The following LSM4 variants were observed in gnomAD, a reference collection of about 807,000 sequenced individuals.
LSM4 encodes LSM4 homolog, U6 small nuclear RNA and mRNA degradation associated.
Under a neutral mutation model 22.3 loss-of-function variants are expected in LSM4, and 15 were observed. The observed-to-expected ratio is 0.67, with a 90% CI of 0.45 to 1.03. The LOEUF (loss-of-function observed/expected upper bound fraction) is 1.03. Among genes scored for constraint, LSM4 ranks in the 50% least tolerant of loss-of-function variants. The pLI, the probability that LSM4 is intolerant of heterozygous loss-of-function variation, is 0.00. For synonymous variants in LSM4, 90 were observed against 79.8 expected, an observed-to-expected ratio of 1.13 and a Z score of -0.68; for missense variants, 127 against 198.0, an observed-to-expected ratio of 0.64 and a Z score of 2.15.
At chr19:18,316,171 G>T in intron 1 of LSM4, 106 bp from the exon 2 acceptor site, 1 of 985,822 alleles carries the variant, frequency 1.0e-6, no homozygotes, top group Non-Finnish European at 1.5e-6. Flanking sequence ...CGGTTGAGGG[G>T]GCACAGGAGT....
At chr19:18,309,339 G>A (rs950671075) in intron 4 of LSM4, 84 of 320,400 alleles carry the variant, frequency 2.6e-4, no homozygotes, top group Middle Eastern at 1.6e-3. Flanking sequence ...GGGGGCGGGC[G>A]ACCTTGGCTC....
At chr19:18,307,807 C>A (rs1970247562) in intron 4 of LSM4, among the ~76,000 whole-genome samples, 1 of 149,448 alleles carries the variant, frequency 6.7e-6, no homozygotes, top group Admixed American at 6.6e-5. Flanking sequence ...GACTAGGCGA[C>A]AGAGGACACT....
intron 3 of LSM4, among the ~76,000 whole-genome samples, chr19:18,310,848 G>A (rs568343470): frequency 2.0e-5 from 3 of 152,338 alleles, no homozygotes; most frequent in Admixed American, 6.5e-5. Context: ...CCAGCCCGAC[G>A]ACACTCCCTC....
chr19:18,317,381 G>A (rs867809416), intron 1 of LSM4, among the ~76,000 whole-genome samples: 3 of 149,072 alleles, frequency 2.0e-5, no homozygotes, highest in Non-Finnish European at 4.4e-5. Flanking sequence ...CGCCCAGGCT[G>A]GAGTGTAGTG....
intron 1 of LSM4, among the ~76,000 whole-genome samples, chr19:18,317,800 GAATTAT>G (rs1206180598): frequency 6.6e-6 from 1 of 152,104 alleles, no homozygotes; most frequent in East Asian, 1.9e-4. Context: ...CAAGTAGCTG[GAATTAT>G]AGGTATGCAC....
chr19:18,310,003 C>T (rs1030307098), intron 3 of LSM4, 142 bp from the exon 4 acceptor site: 17 of 757,786 alleles, frequency 2.2e-5, no homozygotes, highest in Non-Finnish European at 2.9e-5. Context: ...CCGGGACATA[C>T]GTGGCAAAGG....
At chr19:18,309,076 G>A (rs1349949886) in intron 4 of LSM4, among the ~76,000 whole-genome samples, 4 of 152,068 alleles carry the variant, frequency 2.6e-5, no homozygotes, top group African/African-American at 4.8e-5. Context: ...CCTCCCTCGG[G>A]CTCACTCCTG....
Position 18,312,707 on chromosome 19 carries a change from AAGAG to A in LSM4, c.46-9_46-6del. 1 of 1,609,838 alleles carries A rather than the reference AAGAG, an allele frequency of 6.2e-7. No individual in the cohort carries two copies. The highest frequency in any genetic ancestry group is 8.5e-7 in the Non-Finnish European group (1 of 1,176,282). ...CCCATTTTTCAGCTCCACCAACTAG[AAGAG>A]AGACAGGCTAGAGGTTGGCTGTAGC... On this transcript the variant is annotated splice_polypyrimidine_tract_variant and splice_region_variant and intron_variant, in intron 2 of 4. Transcript: ENST00000593829.
At chr19:18,317,673 G>A (rs1372085251) in intron 1 of LSM4, among the ~76,000 whole-genome samples, 2 of 151,976 alleles carry the variant, frequency 1.3e-5, no homozygotes, top group Non-Finnish European at 2.9e-5. Flanking sequence ...AAGACAGGAA[G>A]TCACCAGGTA....
intron 3 of LSM4, 120 bp downstream of exon 3, chr19:18,312,484 A>G (rs1441289364): frequency 1.3e-6 from 1 of 787,582 alleles, no homozygotes; most frequent in Non-Finnish European, 2.2e-6. Context: ...GACCCCTGGA[A>G]GGACGAGCAG....
intron 1 of LSM4, among the ~76,000 whole-genome samples, chr19:18,321,476 C>A (rs1970423941): frequency 6.6e-6 from 1 of 152,192 alleles, no homozygotes; most frequent in Non-Finnish European, 1.5e-5. Context: ...TAGGTATAGG[C>A]CAAACTAACC....
At position 18,323,003 on chromosome 19, in the gene LSM4, T is replaced by A; in HGVS notation, c.3+15A>T. 1 of 1,591,186 alleles carries A rather than the reference T, an allele frequency of 6.3e-7. No individual in the cohort carries two copies. The highest frequency in any genetic ancestry group is 8.5e-7 in the Non-Finnish European group (1 of 1,172,414). The stretch of plus-strand genomic sequence containing the variant: ...CCCGCCTCCCGGTGAGACCCCGCAG[T>A]TGCCCTGCCCTCACCATGGTGCCGG... On this transcript the variant is annotated intron_variant, in intron 1 of 4. Coordinates refer to ENST00000593829, the MANE Select transcript of LSM4 (RefSeq NM_012321.5).
Position 18,323,021 on chromosome 19 carries a change from G to A in LSM4, c.-1C>T, listed in dbSNP as rs1173896957. On this transcript the variant is annotated 5_prime_UTR_variant, in exon 1 of 5. Transcript: ENST00000593829. ...CCCGCAGTTGCCCTGCCCTCACCAT[G>A]GTGCCGGCGGGGACCGGGCTCGCCG... The A allele has an allele frequency of 1.3e-6, 2 of 1,566,502 alleles. No individual in the cohort carries two copies. Among genetic ancestry groups the A allele is most frequent in the Admixed American group, 1.8e-5 (1 of 55,198 alleles).
chr19:18,314,171 T>C (rs1178014331), intron 2 of LSM4, among the ~76,000 whole-genome samples: 3 of 152,228 alleles, frequency 2.0e-5, no homozygotes, highest in East Asian at 1.9e-4. Context: ...ATGTTCACAG[T>C]GACACTGTTC....
At chr19:18,315,011 A>G (rs1220661264) in intron 2 of LSM4, among the ~76,000 whole-genome samples, 1 of 152,180 alleles carries the variant, frequency 6.6e-6, no homozygotes, top group South Asian at 2.1e-4. Flanking sequence ...CTGCCTTCCA[A>G]GTAGCTGGGA....
chr19:18,322,908 G>A, intron 1 of LSM4, 110 bp downstream of exon 1: 5 of 1,479,258 alleles, frequency 3.4e-6, no homozygotes, highest in African/African-American at 1.4e-5. Flanking sequence ...CTCGAGGCTC[G>A]GACCTTACGT....
Position 18,307,432 on chromosome 19 carries a change from G to T in LSM4, c.*32C>A. ...TGGAGCGGAATCGCCACCCTGGCAGGAGGGGGCGCAGCAGCCGGTCTGGGT... is the reference window on the plus strand; with the variant it reads ...TGGAGCGGAATCGCCACCCTGGCAGTAGGGGGCGCAGCAGCCGGTCTGGGT... On this transcript the variant is annotated 3_prime_UTR_variant, in exon 5 of 5. Transcript: ENST00000593829. The T allele has an allele frequency of 1.4e-6, 2 of 1,478,306 alleles. No homozygotes were observed. Among genetic ancestry groups the T allele is most frequent in the Non-Finnish European group, 1.8e-6 (2 of 1,112,808 alleles). 91.6% of individuals were successfully genotyped at this position (1,478,306 alleles called of 1,614,324 possible).
intron 4 of LSM4, among the ~76,000 whole-genome samples, chr19:18,308,134 T>C (rs1568296561): frequency 1.3e-5 from 2 of 152,044 alleles, no homozygotes; most frequent in African/African-American, 4.8e-5. Context: ...GCCCCTGAGG[T>C]GGGAGCATGT....
intron 1 of LSM4, among the ~76,000 whole-genome samples, chr19:18,320,106 C>G (rs12982719): frequency 0.75 from 114,359 of 152,090 alleles, 43,162 homozygotes; most frequent in South Asian, 0.85. Context: ...ATGGCCTGGG[C>G]CTGTGACCAT....
Sources: gnomAD v4.1 joint callset for allele counts (sites outside exome capture counted in the v4.1 genomes callset) on GRCh38, gnomAD v4.1.1 for gene constraint, MANE v1.5 for transcripts, NCBI Gene and HGNC (gene_info 2026-07-23, HGNC 2026-07-21) for gene names.